RUBCN: variants seen among roughly 807,000 people sequenced by gnomAD.
RUBCN encodes run domain Beclin-1-interacting and cysteine-rich domain-containing protein.
RUBCN carries 74 observed loss-of-function variants against 113.2 expected under a neutral mutation model. The ratio of observed to expected loss-of-function variants is 0.65; its 90% CI spans 0.54 to 0.79. The LOEUF is 0.79. Ranked by LOEUF, RUBCN falls within the 30% of genes least tolerant of loss-of-function variation. The pLI, the probability that RUBCN is intolerant of heterozygous loss-of-function variation, is 0.00. For missense variants in RUBCN, 1,109 were observed against 1,251.7 expected, an observed-to-expected ratio of 0.89 and a Z score of 1.72; for synonymous variants, 480 against 490.0, an observed-to-expected ratio of 0.98 and a Z score of 0.27.
chr3:197,680,308 C>T (rs1396432541), intron 16 of RUBCN, among the ~76,000 whole-genome samples: 14 of 119,230 alleles, frequency 1.2e-4, no homozygotes, highest in East Asian at 2.7e-4. Context: ...ACAACTGGCT[C>T]CAGACTGTCC....
At chr3:197,703,839 G>A (rs936458243) in intron 4 of RUBCN, among the ~76,000 whole-genome samples, 185 bp from the exon 5 acceptor site, 2 of 152,166 alleles carry the variant, frequency 1.3e-5, no homozygotes, top group African/African-American at 4.8e-5. Flanking sequence ...AGGCTTCAAC[G>A]TCAGAAAAAT....
rs149555284 is a variant in RUBCN at position 197,691,382 on chromosome 3, G to A, written c.1786+2333C>T. Among the ~76,000 whole-genome samples the A allele has an allele frequency of 5.1e-3, 770 of 152,082 alleles. 6 individuals carry two copies. Among genetic ancestry groups the A allele is most frequent in the South Asian group, 0.017 (83 of 4,802 alleles). On this transcript the variant is annotated intron_variant, in intron 11 of 19. Transcript: ENST00000296343. ...TCCTACGACAGTGGTTCTCAGCCAC[G>A]GGTGATTATGGCAATGACGGAGGCA...
At chr3:197,699,965 C>T (rs767758383) in intron 7 of RUBCN, among the ~76,000 whole-genome samples, 2 of 152,124 alleles carry the variant, frequency 1.3e-5, no homozygotes, top group Admixed American at 1.3e-4. Context: ...TACCACAAGC[C>T]GGGAAGGATG....
At chr3:197,682,377 G>T (rs1721341741) in intron 14 of RUBCN, 93 bp downstream of exon 14, 1 of 1,454,156 alleles carries the variant, frequency 6.9e-7, no homozygotes. Flanking sequence ...GGGAAGGACA[G>T]CTGGAGGCAG....
Position 197,674,848 on chromosome 3 carries a change from G to T in RUBCN, c.*170C>A. On this transcript the variant is annotated 3_prime_UTR_variant, in exon 20 of 20. Transcript: ENST00000296343. The stretch of plus-strand genomic sequence containing the variant: ...ACTCTGGACCCATCAACCTGCCGAC[G>T]GCTGACTGCACACAGACGTCAGACA... 1 of 593,636 alleles carries T rather than the reference G, an allele frequency of 1.7e-6. No individual in the cohort carries two copies. Among genetic ancestry groups the T allele is most frequent in the Non-Finnish European group, 2.8e-6 (1 of 354,432 alleles). The allele number at this position is 593,636 out of a possible 1,614,324, so 36.8% of individuals were successfully genotyped here.
chr3:197,746,414 T>C (rs1319642101), intron 1 of RUBCN, among the ~76,000 whole-genome samples: 1 of 152,166 alleles, frequency 6.6e-6, no homozygotes, highest in East Asian at 1.9e-4. Flanking sequence ...TCCAGATCAC[T>C]TACAGGAAAA....
In RUBCN at chr3:197,681,102, C is replaced by G. The variant is rs199932298; in HGVS notation, c.2430+27G>C. ...ATGAGGGGAGGAGAAGGGCAAGACTCTAAGGTGGCCTTTTCCAAGGTCTTA... is the reference window on the plus strand; with the variant it reads ...ATGAGGGGAGGAGAAGGGCAAGACTGTAAGGTGGCCTTTTCCAAGGTCTTA... On this transcript the variant is annotated intron_variant, in intron 16 of 19. Transcript: ENST00000296343. The surrounding 1 kb of genome is among the most constrained non-coding windows in gnomAD (Gnocchi z 5.5). The G allele has an allele frequency of 3.6e-5, 54 of 1,492,372 alleles. No homozygotes were observed. The East Asian group carries it at 5.9e-4, about 16-fold the overall frequency. 92.4% of individuals were successfully genotyped at this position (1,492,372 alleles called of 1,614,324 possible). A position where few individuals can be genotyped will look rare whatever the true frequency, so the allele number is the denominator to read the frequency against.
At chr3:197,708,717 A>T (rs1016649751) in intron 2 of RUBCN, among the ~76,000 whole-genome samples, 1 of 152,180 alleles carries the variant, frequency 6.6e-6, no homozygotes, top group African/African-American at 2.4e-5. Context: ...GCTTACCAAG[A>T]ATCAGTTATT....
intron 11 of RUBCN, among the ~76,000 whole-genome samples, chr3:197,685,426 A>C (rs1260870993): frequency 6.6e-6 from 1 of 152,212 alleles, no homozygotes; most frequent in African/African-American, 2.4e-5. Context: ...GAGCAGCTCT[A>C]CTGTTCCTCA....
At chr3:197,724,169 C>T (rs1340595853) in intron 1 of RUBCN, among the ~76,000 whole-genome samples, 3 of 152,152 alleles carry the variant, frequency 2.0e-5, no homozygotes, top group African/African-American at 7.2e-5. Context: ...TAAAGAGGAA[C>T]AGAAATTGCT....
At chr3:197,678,132 A>C (rs1560400511) in intron 16 of RUBCN, among the ~76,000 whole-genome samples, 2 of 130,404 alleles carry the variant, frequency 1.5e-5, no homozygotes, top group Non-Finnish European at 3.1e-5. Flanking sequence ...CTAACTCGAC[A>C]CCTGGCTTCA....
At chr3:197,720,365 T>C (rs1726010611) in intron 1 of RUBCN, among the ~76,000 whole-genome samples, 1 of 152,168 alleles carries the variant, frequency 6.6e-6, no homozygotes. Flanking sequence ...GTGTATTCCA[T>C]AGTGTATACA....
chr3:197,716,739 A>G (rs186337017), intron 2 of RUBCN, among the ~76,000 whole-genome samples: 10 of 152,256 alleles, frequency 6.6e-5, no homozygotes, highest in African/African-American at 2.4e-4. Context: ...TGGGCCCAGT[A>G]TAATTGTAAG....
chr3:197,695,840 T>C (rs1327303170), intron 9 of RUBCN, 26 bp downstream of exon 9: 4 of 1,595,034 alleles, frequency 2.5e-6, no homozygotes, highest in Non-Finnish European at 3.4e-6. Context: ...ACTCATGAGC[T>C]CTTCATGAGG....
At position 197,714,312 on chromosome 3, in the gene RUBCN, G is replaced by A. The variant is rs565077832; in HGVS notation, c.219+3665C>T. On this transcript the variant is annotated intron_variant, in intron 2 of 19. Coordinates refer to ENST00000296343, the MANE Select transcript of RUBCN (RefSeq NM_014687.4). ...TACAATGTTGCCTCCTCAGTCCTAGGATGGTGCTTTTTGCTGTTTTGGGTT... is the reference window on the plus strand; with the variant it reads ...TACAATGTTGCCTCCTCAGTCCTAGAATGGTGCTTTTTGCTGTTTTGGGTT... 2.6e-5 allele frequency among the ~76,000 whole-genome samples: 4 copies of A among 152,208 alleles called. No homozygotes were observed. The South Asian group carries it at 8.3e-4, about 32-fold the overall frequency.
intron 1 of RUBCN, among the ~76,000 whole-genome samples, chr3:197,732,377 G>C (rs146628286): frequency 0.012 from 1,899 of 152,336 alleles, 23 homozygotes; most frequent in Non-Finnish European, 0.018. Context: ...GCAGTGGCGT[G>C]ATCTCGGCTC....
chr3:197,717,838 T>C (rs930270669), intron 2 of RUBCN, 139 bp downstream of exon 2: 4 of 859,166 alleles, frequency 4.7e-6, no homozygotes, highest in Non-Finnish European at 7.7e-6. Flanking sequence ...AAACGTTCTG[T>C]ATATTAAAAA....
chr3:197,701,908 C>T (rs1221805702), intron 5 of RUBCN, 44 bp from the exon 6 acceptor site: 18 of 1,594,228 alleles, frequency 1.1e-5, no homozygotes, highest in Non-Finnish European at 1.5e-5. Context: ...GAGTTAAGGA[C>T]AAAGGGCCTC....
At chr3:197,698,729 C>A (rs756746575) in intron 7 of RUBCN, among the ~76,000 whole-genome samples, 4 of 149,540 alleles carry the variant, frequency 2.7e-5, no homozygotes, top group Admixed American at 1.3e-4. Flanking sequence ...TGTGGTGGAT[C>A]ACGCCTGTAA....
Sources: gnomAD v4.1 joint callset for allele counts (sites outside exome capture counted in the v4.1 genomes callset) on GRCh38, gnomAD v4.1.1 for gene constraint, Gnocchi (gnomAD v3.1) non-coding constraint, MANE v1.5 for transcripts, NCBI Gene and HGNC (gene_info 2026-07-23, HGNC 2026-07-21) for gene names.